GALNT10: variants seen among roughly 807,000 people sequenced by gnomAD.
GALNT10 encodes the protein GalNAc transferase 10.
GALNT10 carries 41 observed loss-of-function variants against 75.0 expected under a neutral mutation model. That is an observed-to-expected ratio of 0.55 (90% CI 0.43 to 0.71). The LOEUF (loss-of-function observed/expected upper bound fraction) is 0.71, where lower values mean the gene tolerates loss of function less well. GALNT10 is among the 30% of genes least tolerant of loss of function. GALNT10 has a pLI of 0.00. For synonymous variants in GALNT10, 302 were observed against 313.0 expected (o/e 0.96, Z 0.37); for missense variants, 727 against 818.5 (o/e 0.89, Z 1.36).
chr5:154,281,015 A>G lies in GALNT10; in HGVS notation c.160-13801A>G, dbSNP rs534547885. ...CACTCTCTGTTGGTCACTGTATCCC[A>G]GGAGTGCCTTGAAATTAGGACATGT... On this transcript the variant is annotated intron_variant, in intron 1 of 11. Coordinates refer to ENST00000297107, the MANE Select transcript of GALNT10 (RefSeq NM_198321.4). Among the ~76,000 whole-genome samples the G allele has an allele frequency of 5.9e-5, 9 of 152,212 alleles. No homozygotes were observed. The South Asian group carries it at 1.4e-3, about 25-fold the overall frequency.
In GALNT10 at chr5:154,419,080, G is replaced by T. The variant is rs1421148765; in HGVS notation, c.*2108G>T. 13 of 152,396 alleles carry T rather than the reference G, an allele frequency of 8.5e-5. No homozygotes were observed. The allele number at this position is 152,396 out of a possible 1,614,324, so 9.4% of individuals were successfully genotyped here. A position where few individuals can be genotyped will look rare whatever the true frequency, so the allele number is the denominator to read the frequency against. The stretch of plus-strand genomic sequence containing the variant: ...GACAAACATAAAGGGGCAGGGTTGT[G>T]GGGAGGGGAACGTTTTTGGTGGTGT... On this transcript the variant is annotated 3_prime_UTR_variant, in exon 12 of 12. Transcript: ENST00000297107.
At chr5:154,257,719 T>C (rs1020412925) in intron 1 of GALNT10, among the ~76,000 whole-genome samples, 6 of 151,692 alleles carry the variant, frequency 4.0e-5, no homozygotes, top group African/African-American at 7.3e-5. Context: ...TATTTTCCCA[T>C]GCATGACTAA....
In GALNT10 at chr5:154,229,024, C is replaced by A. The variant is rs1285145989; in HGVS notation, c.159+37999C>A. On this transcript the variant is annotated intron_variant, in intron 1 of 11. Coordinates refer to ENST00000297107, the MANE Select transcript of GALNT10 (RefSeq NM_198321.4). ...TTGGCCAGGGTATTCTACCATACTG[C>A]TGGAAATGGAGGTTGGGTCTTGGTC... Among the ~76,000 whole-genome samples the A allele has an allele frequency of 2.6e-5, 4 of 152,216 alleles. No homozygotes were observed. The East Asian group carries it at 7.7e-4, about 29-fold the overall frequency.
At chr5:154,248,452 T>G (rs1455870146) in intron 1 of GALNT10, among the ~76,000 whole-genome samples, 1 of 152,222 alleles carries the variant, frequency 6.6e-6, no homozygotes, top group Non-Finnish European at 1.5e-5. Context: ...GGACTTTTTT[T>G]GGTTGGTAAG....
At chr5:154,318,065 G>A (rs1019353638) in intron 3 of GALNT10, among the ~76,000 whole-genome samples, 3 of 152,226 alleles carry the variant, frequency 2.0e-5, no homozygotes, top group Non-Finnish European at 2.9e-5. Context: ...TACTTATAAC[G>A]GGGCTGGAGA....
intron 1 of GALNT10, among the ~76,000 whole-genome samples, chr5:154,234,497 C>A (rs1753215331): frequency 6.6e-6 from 1 of 152,190 alleles, no homozygotes; most frequent in African/African-American, 2.4e-5. Context: ...TTCCTCTGTG[C>A]CAGGCACTGT....
intron 10 of GALNT10, among the ~76,000 whole-genome samples, chr5:154,415,578 G>A (rs1309767057): frequency 6.6e-6 from 1 of 152,156 alleles, no homozygotes; most frequent in East Asian, 1.9e-4. Context: ...GCCTCAAAGT[G>A]ATCCACCCAC....
chr5:154,338,716 T>A (rs1279952114), intron 4 of GALNT10, among the ~76,000 whole-genome samples: 1 of 152,252 alleles, frequency 6.6e-6, no homozygotes, highest in East Asian at 1.9e-4. Flanking sequence ...CTTTTTACAG[T>A]CCCTTCCCCT....
At chr5:154,350,741 G>A (rs1409992667) in intron 4 of GALNT10, among the ~76,000 whole-genome samples, 1 of 152,194 alleles carries the variant, frequency 6.6e-6, no homozygotes, top group Non-Finnish European at 1.5e-5. Flanking sequence ...CTTCTTGTGA[G>A]CCTGTGCAAG....
At chr5:154,385,270 GAGA>G (rs1390081864) in intron 6 of GALNT10, among the ~76,000 whole-genome samples, 8 of 152,158 alleles carry the variant, frequency 5.3e-5, no homozygotes, top group Non-Finnish European at 1.0e-4. Flanking sequence ...AGTCTTGTGC[GAGA>G]TACCCTGGGG....
chr5:154,385,322 C>T (rs1239400016), intron 6 of GALNT10, among the ~76,000 whole-genome samples: 1 of 152,170 alleles, frequency 6.6e-6, no homozygotes, highest in African/African-American at 2.4e-5. Context: ...CCTCACTTAG[C>T]ACGGTGCCAG....
At chr5:154,245,560 C>T (rs1472749460) in intron 1 of GALNT10, among the ~76,000 whole-genome samples, 3 of 150,476 alleles carry the variant, frequency 2.0e-5, no homozygotes, top group South Asian at 2.1e-4. Context: ...ATTATATAGT[C>T]GTCCTTTAAT....
At chr5:154,281,779 G>A (rs1421395658) in intron 1 of GALNT10, among the ~76,000 whole-genome samples, 2 of 152,204 alleles carry the variant, frequency 1.3e-5, no homozygotes, top group African/African-American at 4.8e-5. Context: ...TCCAGGACTA[G>A]TATCATAGTT....
chr5:154,414,373 G>C (rs756271452), intron 10 of GALNT10, among the ~76,000 whole-genome samples: 6 of 152,136 alleles, frequency 3.9e-5, no homozygotes, highest in Non-Finnish European at 7.3e-5. Flanking sequence ...CCTGTAACAA[G>C]GAACTGGAGT....
intron 1 of GALNT10, among the ~76,000 whole-genome samples, chr5:154,292,198 T>C (rs1045888557): frequency 6.6e-6 from 1 of 152,224 alleles, no homozygotes; most frequent in African/African-American, 2.4e-5. Flanking sequence ...TCTGCTTCAT[T>C]GTAGACCAGC....
chr5:154,321,738 A>T (rs1380802132), intron 3 of GALNT10, among the ~76,000 whole-genome samples: 1 of 152,120 alleles, frequency 6.6e-6, no homozygotes, highest in African/African-American at 2.4e-5. Context: ...GGAATGAAAC[A>T]GCTGAAGCTG....
intron 1 of GALNT10, among the ~76,000 whole-genome samples, chr5:154,194,254 G>A (rs181108085): frequency 6.6e-6 from 1 of 152,180 alleles, no homozygotes; most frequent in Admixed American, 6.5e-5. Flanking sequence ...CTTTCTCATT[G>A]TGTTAGAGCT....
intron 1 of GALNT10, among the ~76,000 whole-genome samples, chr5:154,245,012 A>G (rs1381902645): frequency 6.6e-6 from 1 of 152,186 alleles, no homozygotes; most frequent in Non-Finnish European, 1.5e-5. Context: ...GCTGAAGTCC[A>G]TGGGGTGCCA....
At chr5:154,363,805 G>A (rs1329497031) in intron 4 of GALNT10, among the ~76,000 whole-genome samples, 1 of 152,202 alleles carries the variant, frequency 6.6e-6, no homozygotes, top group Non-Finnish European at 1.5e-5. Context: ...ACTCACAAGT[G>A]TACCTGAGTG....
Sources: gnomAD v4.1 joint callset for allele counts (sites outside exome capture counted in the v4.1 genomes callset) on GRCh38, gnomAD v4.1.1 for gene constraint, MANE v1.5 for transcripts, NCBI Gene and HGNC (gene_info 2026-07-23, HGNC 2026-07-21) for gene names.